Variants in FREM3 observed in about 807,000 individuals in gnomAD.
FREM3 encodes FRAS1-related extracellular matrix protein 3.
In FREM3, 105 loss-of-function variants were observed where a neutral mutation model predicts 129.1. That is an observed-to-expected ratio of 0.81 (90% CI 0.69 to 0.96). FREM3 has a LOEUF of 0.96. Ranked by LOEUF, FREM3 falls within the 40% of genes least tolerant of loss-of-function variation. The pLI, the probability that FREM3 is intolerant of heterozygous loss-of-function variation, is 0.00. For synonymous variants in FREM3, 1,014 were observed against 1,044.9 expected, an observed-to-expected ratio of 0.97 and a Z score of 0.57; for missense variants, 2,593 against 2,666.3, an observed-to-expected ratio of 0.97 and a Z score of 0.61.
At chr4:143,624,459 C>G (rs1739010666) in intron 3 of FREM3, 121 bp from the exon 4 acceptor site, 1 of 629,194 alleles carries the variant, frequency 1.6e-6, no homozygotes, top group Non-Finnish European at 2.8e-6. Flanking sequence ...TTTTAATGCT[C>G]CCAAAAGACA....
At chr4:143,644,911 C>T (rs1283568152) in intron 2 of FREM3, among the ~76,000 whole-genome samples, 6 of 152,176 alleles carry the variant, frequency 3.9e-5, no homozygotes, top group African/African-American at 1.4e-4. Flanking sequence ...GATTAAAATG[C>T]ACCATTTCCC....
chr4:143,641,161 C>T (rs1739315056), intron 2 of FREM3, among the ~76,000 whole-genome samples: 1 of 152,060 alleles, frequency 6.6e-6, no homozygotes, highest in Non-Finnish European at 1.5e-5. Context: ...AAGCCAGAAA[C>T]ACTTATTTTT....
At chr4:143,646,544 A>G (rs910569142) in intron 2 of FREM3, among the ~76,000 whole-genome samples, 1 of 152,078 alleles carries the variant, frequency 6.6e-6, no homozygotes, top group Admixed American at 6.6e-5. Flanking sequence ...TTCTCACAAG[A>G]TCTGATGGTT....
chr4:143,599,900 A>G (rs569809996), intron 6 of FREM3, among the ~76,000 whole-genome samples: 4 of 152,326 alleles, frequency 2.6e-5, no homozygotes, highest in South Asian at 4.1e-4. Flanking sequence ...CTATCCACAC[A>G]TGAAATGTAG....
At chr4:143,602,315 C>A (rs551534245) in intron 6 of FREM3, among the ~76,000 whole-genome samples, 13 of 152,254 alleles carry the variant, frequency 8.5e-5, no homozygotes, top group African/African-American at 2.9e-4. Flanking sequence ...ACAGAATTAT[C>A]ATTTCATGTC....
rs1255192309 is a variant in FREM3, at chr4:143,698,391, A to G, written c.2285T>C (p.Ile762Thr). The change falls in exon 1 of 8, where the codon ATT becomes ACT. Residue 762 changes from isoleucine to threonine, a missense_variant. Around this residue, in one of 2 missense-constraint regions of FREM3, gnomAD observed 2,276 missense variants for 2,267.2 expected, o/e 1.00. Transcript: ENST00000329798. ...DGNHQVRAGEIVLTDSPDTLI... is the reference protein window; with the variant it reads ...DGNHQVRAGETVLTDSPDTLI... ...TGTGTCTGGTGAATCAGTGAGCACA[A>G]TTTCTCCAGCCCGGACTTGGTGGTT... 3 of 1,537,646 alleles carry G rather than the reference A, an allele frequency of 2.0e-6. No homozygotes were observed. Among genetic ancestry groups the G allele is most frequent in the Non-Finnish European group, 2.6e-6 (3 of 1,146,996 alleles).
chr4:143,620,706 C>T (rs772084562), intron 5 of FREM3, among the ~76,000 whole-genome samples: 1 of 152,186 alleles, frequency 6.6e-6, no homozygotes, highest in African/African-American at 2.4e-5. Context: ...AAATTTTTGA[C>T]TAGCATATAT....
At chr4:143,615,571 C>T (rs556771569) in intron 5 of FREM3, among the ~76,000 whole-genome samples, 2 of 152,162 alleles carry the variant, frequency 1.3e-5, no homozygotes, top group East Asian at 3.9e-4. Context: ...GACTTTGGTA[C>T]TTTTGTTTCC....
At chr4:143,653,256 T>G (rs1170087939) in intron 2 of FREM3, among the ~76,000 whole-genome samples, 2 of 152,202 alleles carry the variant, frequency 1.3e-5, no homozygotes, top group African/African-American at 4.8e-5. Flanking sequence ...AGTCAACGTA[T>G]TAGCTGGACT....
At position 143,697,827 on chromosome 4, in the gene FREM3, C is replaced by T. The variant is rs1401842193; in HGVS notation, c.2849G>A (p.Ser950Asn). The T allele has an allele frequency of 8.5e-6, 13 of 1,537,676 alleles. No homozygotes were observed. Among genetic ancestry groups the T allele is most frequent in the Non-Finnish European group, 1.0e-5 (12 of 1,147,014 alleles). Residue 950 changes from serine (S) to asparagine (N), a missense_variant, in exon 1 of 8, where the codon AGT (serine) becomes AAT (asparagine). By Grantham distance (46) the Ser-to-Asn change is conservative. This residue lies in a region of FREM3 where 2,276 missense variants were observed against 2,267.2 expected (regional missense o/e 1.00). Transcript: ENST00000329798. ...GTCTATAGAAACATCCAATAATGAA[C>T]TACTTCTGAGAGAGATCCTAGGACT... Reference protein sequence around the residue: ...NRSPRISLRSSSLLDVSIDVL... With the variant: ...NRSPRISLRSNSLLDVSIDVL...
At chr4:143,674,839 T>A (rs1377072097) in intron 2 of FREM3, among the ~76,000 whole-genome samples, 1 of 152,206 alleles carries the variant, frequency 6.6e-6, no homozygotes, top group Non-Finnish European at 1.5e-5. Flanking sequence ...CAAGAAGAGC[T>A]AACTGTCCTA....
At chr4:143,631,120 T>A (rs1446949532) in intron 2 of FREM3, among the ~76,000 whole-genome samples, 1 of 152,150 alleles carries the variant, frequency 6.6e-6, no homozygotes, top group Non-Finnish European at 1.5e-5. Flanking sequence ...ATTGGTCATA[T>A]CCTACAAATT....
chr4:143,626,207 T>TAG (rs1739034869), intron 3 of FREM3, among the ~76,000 whole-genome samples: 1 of 152,180 alleles, frequency 6.6e-6, no homozygotes, highest in African/African-American at 2.4e-5. Flanking sequence ...TGTAGTTTAC[T>TAG]TAACAACAAA....
At chr4:143,660,172 A>G (rs199647260) in intron 2 of FREM3, among the ~76,000 whole-genome samples, 14 of 148,450 alleles carry the variant, frequency 9.4e-5, no homozygotes, top group East Asian at 6.0e-4. Context: ...CTATGTCCTG[A>G]ATGGTAATGC....
At position 143,586,809 on chromosome 4, in the gene FREM3, A is replaced by T. The variant is rs577365442; in HGVS notation, c.6029-816T>A. 4.7e-4 allele frequency among the ~76,000 whole-genome samples: 72 copies of T among 152,348 alleles called. 2 individuals carry two copies. The South Asian group carries it at 0.014, about 29-fold the overall frequency. ...AGCTGTAACAATACCTACTATATGT[A>T]CTGTCATGAAAAAGATTTTGAGATG... On this transcript the variant is annotated intron_variant, in intron 6 of 7. Transcript: ENST00000329798.
chr4:143,653,384 C>T (rs954695231), intron 2 of FREM3, among the ~76,000 whole-genome samples: 1 of 152,204 alleles, frequency 6.6e-6, no homozygotes, highest in Admixed American at 6.5e-5. Flanking sequence ...TGACTGGAGG[C>T]TGCCCTTAGC....
rs750753104 is a variant in FREM3 at position 143,698,569 on chromosome 4, G to A, written c.2107C>T (p.Pro703Ser). ...IKVQPVDILS[P>S]QLYPGTTLEM... The stretch of plus-strand genomic sequence containing the variant: ...AGTGTAGTTCCTGGATACAGCTGTG[G>A]ACTCAGTATATCCACTGGTTGGACC... Residue 703 changes from proline (P) to serine (S), a missense_variant, in exon 1 of 8, where the codon CCA (proline) becomes TCA (serine). Pro to Ser is a moderately conservative substitution (Grantham distance 74). This residue lies in a region of FREM3 where 2,276 missense variants were observed against 2,267.2 expected (regional missense o/e 1.00). Coordinates refer to ENST00000329798, the MANE Select transcript of FREM3 (RefSeq NM_001168235.2). The A allele has an allele frequency of 1.9e-5, 29 of 1,537,524 alleles. No homozygotes were observed. The highest frequency in any genetic ancestry group is 2.5e-5 in the Non-Finnish European group (29 of 1,146,966).
chr4:143,651,338 G>A (rs184183140), intron 2 of FREM3, among the ~76,000 whole-genome samples: 19 of 152,332 alleles, frequency 1.2e-4, no homozygotes, highest in Admixed American at 1.1e-3. Flanking sequence ...GCAAGATAGA[G>A]ACTTTTGATT....
At chr4:143,627,510 AC>A in intron 3 of FREM3, 103 bp downstream of exon 3, 1 of 1,039,116 alleles carries the variant, frequency 9.6e-7, no homozygotes, top group Non-Finnish European at 1.4e-6. Context: ...ATTTCTCCAA[AC>A]CAGTTCTTTA....
Sources: allele counts gnomAD v4.1 joint callset (sites outside exome capture counted in the v4.1 genomes callset), GRCh38; gene constraint gnomAD v4.1.1; regional missense constraint gnomAD v4.1.1; transcripts MANE v1.5; gene names NCBI Gene and HGNC (gene_info 2026-07-23, HGNC 2026-07-21).